Variants in STK3 observed in about 807,000 individuals in gnomAD.
STK3 encodes the protein serine/threonine-protein kinase 3.
STK3 carries 41 observed loss-of-function variants against 58.0 expected under a neutral mutation model. The observed-to-expected ratio is 0.71, with a 90% CI of 0.55 to 0.92. STK3 has a LOEUF of 0.92. Among genes scored for constraint, STK3 ranks in the 40% least tolerant of loss-of-function variants. STK3 has a pLI of 0.00. For synonymous variants in STK3, 170 were observed against 191.0 expected (o/e 0.89, Z 0.91); for missense variants, 479 against 602.7 (o/e 0.79, Z 2.15).
At chr8:98,858,256 C>G (rs1358073599) in intron 3 of STK3, among the ~76,000 whole-genome samples, 2 of 134,800 alleles carry the variant, frequency 1.5e-5, no homozygotes, top group African/African-American at 5.6e-5. Flanking sequence ...GTGGCATGCA[C>G]CTATAGTCCC....
intron 9 of STK3, among the ~76,000 whole-genome samples, chr8:98,539,420 C>A (rs1177050912): frequency 6.6e-6 from 1 of 151,916 alleles, no homozygotes; most frequent in Admixed American, 6.6e-5. Flanking sequence ...AATGGATGAA[C>A]CAGGGAGTAG....
rs555205747 is a variant in STK3, at chr8:98,501,843, C to T, written c.1317+24899G>A. Among the ~76,000 whole-genome samples the T allele has an allele frequency of 2.2e-4, 33 of 152,320 alleles. No homozygotes were observed. In the South Asian group the frequency reaches 5.4e-3, roughly 25 times the overall value. ...TAGTTTGAAGTCAGGTAGCGTGATG[C>T]CTCCAGCTTTGTTCTTTTTGCTTAG... On this transcript the variant is annotated intron_variant, in intron 10 of 10. Coordinates refer to ENST00000419617, the MANE Select transcript of STK3 (RefSeq NM_006281.4).
intron 1 of STK3, among the ~76,000 whole-genome samples, chr8:98,382,568 G>T (rs921360513): frequency 2.0e-5 from 3 of 150,564 alleles, no homozygotes; most frequent in Non-Finnish European, 4.4e-5. Context: ...GATTGGAGGC[G>T]GGGGGAGCCT....
At chr8:98,665,845 A>G (rs1048498251) in intron 6 of STK3, among the ~76,000 whole-genome samples, 1 of 151,958 alleles carries the variant, frequency 6.6e-6, no homozygotes, top group African/African-American at 2.4e-5. Context: ...CTGGGACTAC[A>G]TGTGCCCGCC....
intron 1 of STK3, chr8:98,905,365 G>T: frequency 9.6e-7 from 1 of 1,044,214 alleles, no homozygotes; most frequent in Non-Finnish European, 1.5e-6. Flanking sequence ...TCAATGACTG[G>T]ACCATACTTC....
intron 4 of STK3, among the ~76,000 whole-genome samples, chr8:98,746,427 C>T (rs949898452): frequency 2.6e-5 from 4 of 152,052 alleles, no homozygotes; most frequent in Non-Finnish European, 4.4e-5. Context: ...GCCTAGGCAG[C>T]GAAGTGAGAC....
intron 1 of STK3, among the ~76,000 whole-genome samples, chr8:98,938,039 G>A (rs554097004): frequency 2.6e-5 from 4 of 152,180 alleles, no homozygotes; most frequent in African/African-American, 4.8e-5. Flanking sequence ...CTTTGTCAAA[G>A]TGGAGATGAT....
At chr8:98,394,401 C>A (rs1817879993) in intron 3 of STK3, among the ~76,000 whole-genome samples, 1 of 151,998 alleles carries the variant, frequency 6.6e-6, no homozygotes, top group African/African-American at 2.4e-5. Flanking sequence ...AAGTTTTCAG[C>A]CAGGCACAGT....
intron 2 of STK3, among the ~76,000 whole-genome samples, chr8:98,772,589 C>T (rs1247847654): frequency 6.6e-6 from 1 of 152,140 alleles, no homozygotes; most frequent in Non-Finnish European, 1.5e-5. Flanking sequence ...ATCCCAGCTA[C>T]TCGGGAGGTT....
intron 1 of STK3, among the ~76,000 whole-genome samples, chr8:98,819,000 T>A (rs1402848803): frequency 6.6e-6 from 1 of 152,062 alleles, no homozygotes; most frequent in East Asian, 1.9e-4. Context: ...TTTTGTATTT[T>A]GTTTAGTAGA....
rs976299130 is a variant in STK3, at chr8:98,671,567, T to C, written c.684+34900A>G. On this transcript the variant is annotated intron_variant, in intron 6 of 10. Coordinates refer to ENST00000419617, the MANE Select transcript of STK3 (RefSeq NM_006281.4). ...AGGTTTTTGTATATAAATTTTTTAG[T>C]TTGGGGTTTTTTTTTGTTTTTTGTT... is the stretch of plus-strand genomic sequence containing the variant. Among the ~76,000 whole-genome samples, 11 of 151,888 alleles carry C rather than the reference T, an allele frequency of 7.2e-5. No homozygotes were observed. In the East Asian group the frequency reaches 2.1e-3, roughly 29 times the overall value.
chr8:98,658,485 C>T (rs571452349), intron 6 of STK3, among the ~76,000 whole-genome samples: 2 of 152,190 alleles, frequency 1.3e-5, no homozygotes, highest in East Asian at 1.9e-4. Context: ...CCAACCCAAA[C>T]TATGTAAGAA....
rs118058578 is a variant in STK3 at position 98,901,806 on chromosome 8, G to C, written c.-78-17972C>G. Among the ~76,000 whole-genome samples, 441 of 152,336 alleles carry C rather than the reference G, an allele frequency of 2.9e-3. 1 individual carries two copies. The highest frequency in any genetic ancestry group is 0.017 in the Middle Eastern group (5 of 294). On this transcript the variant is annotated intron_variant, in intron 1 of 1. Transcript: ENST00000519420. ...TCTGAAATCCTCAGCCTTCAAAGTA[G>C]AGCTGATCCCTACCCAGAAATGTGA...
chr8:98,552,976 T>C (rs1414258770), intron 8 of STK3, among the ~76,000 whole-genome samples: 5 of 152,142 alleles, frequency 3.3e-5, no homozygotes, highest in Admixed American at 6.6e-5. Context: ...TCTACTACCA[T>C]GTGAACAATA....
At chr8:98,896,559 A>T (rs1838453431) in intron 1 of STK3, among the ~76,000 whole-genome samples, 1 of 152,186 alleles carries the variant, frequency 6.6e-6, no homozygotes, top group Non-Finnish European at 1.5e-5. Flanking sequence ...AAAATTAAAA[A>T]TTTCCACTTG....
At chr8:98,356,315 G>A in the STK3 span, among the ~76,000 whole-genome samples, 1 of 152,182 alleles carries the variant, frequency 6.6e-6, no homozygotes, top group African/African-American at 2.4e-5. Context: ...GCTTGGACAG[G>A]GGTGGTGCCC....
chr8:98,485,607 A>G (rs1463069114), intron 10 of STK3, among the ~76,000 whole-genome samples: 2 of 152,240 alleles, frequency 1.3e-5, no homozygotes, highest in Admixed American at 1.3e-4. Flanking sequence ...GATTTCAACT[A>G]GCAACACAGG....
chr8:98,587,468 T>C (rs553995588), intron 7 of STK3, among the ~76,000 whole-genome samples: 13 of 152,288 alleles, frequency 8.5e-5, no homozygotes, highest in African/African-American at 3.1e-4. Flanking sequence ...AGAGATAGTT[T>C]GTTATAATTT....
chr8:98,369,539 A>G (rs1817591902), downstream of STK3, among the ~76,000 whole-genome samples: 1 of 152,096 alleles, frequency 6.6e-6, no homozygotes, highest in Non-Finnish European at 1.5e-5. Flanking sequence ...GGGGAAAAAA[A>G]CAAAGGGCAG....
Sources: gnomAD v4.1 joint callset for allele counts (sites outside exome capture counted in the v4.1 genomes callset) on GRCh38, gnomAD v4.1.1 for gene constraint, MANE v1.5 for transcripts, NCBI Gene and HGNC (gene_info 2026-07-23, HGNC 2026-07-21) for gene names.